The following METTL3 variants were observed in gnomAD, a reference collection of about 807,000 sequenced individuals.
METTL3 encodes methyltransferase 3, N6-adenosine-methyltransferase complex catalytic subunit, also known as N(6)-adenosine-methyltransferase catalytic subunit METTL3.
A neutral mutation model predicts 64.3 loss-of-function variants in METTL3; 42 were observed. That is an observed-to-expected ratio of 0.65 (90% CI 0.51 to 0.84). The LOEUF is 0.84. Among genes scored for constraint, METTL3 ranks in the 40% least tolerant of loss-of-function variants. The probability of loss-of-function intolerance (pLI) is 0.00; values close to 1 mark genes in which losing one functional copy is unlikely to be tolerated. For missense variants in METTL3, 435 were observed against 722.3 expected (o/e 0.60, Z 4.56); for synonymous variants, 256 against 263.6 (o/e 0.97, Z 0.28).
At chr14:21,508,518 G>C (rs1891753156) in intron 1 of METTL3, among the ~76,000 whole-genome samples, 2 of 152,244 alleles carry the variant, frequency 1.3e-5, no homozygotes, top group East Asian at 3.9e-4. Context: ...TAATGTCATA[G>C]AAAAATGAAA....
At chr14:21,502,994 C>T (rs4982451) in intron 3 of METTL3, 179 bp downstream of exon 3, 5 of 671,616 alleles carry the variant, frequency 7.4e-6, no homozygotes, top group Non-Finnish European at 1.2e-5. Flanking sequence ...AGCACTCCCC[C>T]ATGTGTGACA....
chr14:21,500,420 C>G, intron 6 of METTL3, 75 bp downstream of exon 6: 2 of 1,487,016 alleles, frequency 1.3e-6, no homozygotes, highest in Non-Finnish European at 1.9e-6. Context: ...CTAGGAAAAC[C>G]CAGGATTTTA....
intron 4 of METTL3, 184 bp from the exon 5 acceptor site, chr14:21,501,313 G>A (rs1891562951): frequency 3.3e-6 from 2 of 600,490 alleles, no homozygotes; most frequent in Non-Finnish European, 5.8e-6. Context: ...CAGAACAATT[G>A]TAATTCCTCT....
intron 4 of METTL3, 57 bp downstream of exon 4, chr14:21,501,671 T>C: frequency 6.2e-7 from 1 of 1,609,824 alleles, no homozygotes; most frequent in Non-Finnish European, 8.5e-7. Flanking sequence ...AGGAATATGC[T>C]GAAAAGGAAT....
chr14:21,503,366 T>C lies in METTL3; in HGVS notation c.530A>G (p.Lys177Arg). The change falls in exon 3 of 11, where the codon AAG becomes AGG. Residue 177 changes from lysine (K) to arginine (R), a missense_variant. Transcript: ENST00000298717. The stretch of plus-strand genomic sequence containing the variant: ...AGTCGAGTCCTGTTCTGCACGCCGC[T>C]TCTGCCCTGTGACAGTCCCTGCTAC... ...GEVAGTVTGQ[K>R]RRAEQDSTTV... 1.2e-6 allele frequency: 2 copies of C among 1,614,172 alleles called. No homozygotes were observed. The highest frequency in any genetic ancestry group is 8.5e-7 in the Non-Finnish European group (1 of 1,180,024).
chr14:21,498,764 A>C (rs1464562010), intron 10 of METTL3: 4 of 493,222 alleles, frequency 8.1e-6, no homozygotes, highest in Non-Finnish European at 1.4e-5. Context: ...AATACATCAC[A>C]GAATGGCTGA....
intron 4 of METTL3, 125 bp downstream of exon 4, chr14:21,501,603 G>A: frequency 1.7e-6 from 2 of 1,178,742 alleles, no homozygotes; most frequent in Non-Finnish European, 2.4e-6. Flanking sequence ...TCAGGGTCTG[G>A]AGGACTTACA....
rs997148245 is a variant in METTL3, at chr14:21,501,142, A to G, written c.900-13T>C. 6.3e-7 allele frequency: 1 copy of G among 1,597,806 alleles called. No individual in the cohort carries two copies. Among genetic ancestry groups the G allele is most frequent in the Non-Finnish European group, 8.6e-7 (1 of 1,167,112 alleles). On this transcript the variant is annotated splice_polypyrimidine_tract_variant and intron_variant, in intron 4 of 10. Coordinates refer to ENST00000298717, the MANE Select transcript of METTL3 (RefSeq NM_019852.5). ...ATTGATAATTCGTCTGGGAAAATAAAAAGGGAGAATCAAGATGGTGCTCCA... is the reference window on the plus strand; with the variant it reads ...ATTGATAATTCGTCTGGGAAAATAAGAAGGGAGAATCAAGATGGTGCTCCA...
intron 6 of METTL3, 24 bp from the exon 7 acceptor site, chr14:21,499,826 C>A: frequency 1.2e-6 from 2 of 1,609,876 alleles, no homozygotes; most frequent in Non-Finnish European, 1.7e-6. Context: ...AGTTAAACAA[C>A]TATTTGTATG....
Position 21,501,035 on chromosome 14 carries a change from C to A in METTL3, c.994G>T (p.Glu332Ter), listed in dbSNP as rs1208511484. The change falls in exon 5 of 11, where the codon GAA becomes TAA. Residue 332 changes from glutamate (E) to a stop codon, truncating the protein, a stop_gained. Coordinates refer to ENST00000298717, the MANE Select transcript of METTL3 (RefSeq NM_019852.5). LOFTEE classifies it high-confidence loss of function. ...TCAGAATCCATGCAAGCATCAATTT[C>A]ATAGTGAACATACTTGCAGGTATCC... ...HMDTCKYVHY[E>*]IDACMDSEAP... 12 of 1,613,968 alleles carry A rather than the reference C, an allele frequency of 7.4e-6. No individual in the cohort carries two copies. The Admixed American group carries it at 2.0e-4, about 27-fold the overall frequency.
At chr14:21,499,727 A>G (rs758174397) in intron 7 of METTL3, 37 bp downstream of exon 7, 2 of 1,602,278 alleles carry the variant, frequency 1.2e-6, no homozygotes, top group Admixed American at 1.7e-5. Flanking sequence ...CTGTAACAGT[A>G]TTACCCTCAA....
At position 21,504,143 on chromosome 14, in the gene METTL3, CAAAG is replaced by C. The variant is rs746224722; in HGVS notation, c.101-266_101-263del. ...CTAATTCCCTATCCTTGCTGTGATACAAAGAAAGTAAATTAGCATGATAGATTTA... is the reference window on the plus strand; with the variant it reads ...CTAATTCCCTATCCTTGCTGTGATACAAAGTAAATTAGCATGATAGATTTA... On this transcript the variant is annotated intron_variant, in intron 1 of 10. Transcript: ENST00000298717. The C allele has an allele frequency of 1.4e-4, 61 of 437,174 alleles. No individual in the cohort carries two copies. The South Asian group carries it at 1.4e-3, about 10-fold the overall frequency. The allele number at this position is 437,174 out of a possible 1,614,324, so 27.1% of individuals were successfully genotyped here.
In METTL3 at chr14:21,499,430, TAA is replaced by T. The variant is rs985707468; in HGVS notation, c.1452+60_1453-60del. 15 of 1,610,836 alleles carry T rather than the reference TAA, an allele frequency of 9.3e-6. No homozygotes were observed. In the African/African-American group the frequency reaches 1.6e-4, roughly 17 times the overall value. ...ACCACACCTTTGAACTTTTTCTCAG[TAA>T]GAAATCAAATGATTCTTCTTTGTGC... On this transcript the variant is annotated intron_variant, in intron 8 of 10. Coordinates refer to ENST00000298717, the MANE Select transcript of METTL3 (RefSeq NM_019852.5).
At position 21,503,820 on chromosome 14, in the gene METTL3, A is replaced by G. The variant is rs200403556; in HGVS notation, c.162T>C (p.Thr54=). The G allele has an allele frequency of 1.4e-5, 23 of 1,614,266 alleles. No homozygotes were observed. In the Admixed American group the frequency reaches 2.5e-4, roughly 18 times the overall value. ...GCTTAGGGCCACCAGAGGTGGGTGCAGTAGGCACTGGGCTGTCACTACGGA... is the reference window on the plus strand; with the variant it reads ...GCTTAGGGCCACCAGAGGTGGGTGCGGTAGGCACTGGGCTGTCACTACGGA... The part of the protein sequence containing the change: ...PTFRSDSPVP[T]APTSGGPKPS... Residue 54 remains threonine (T), a synonymous_variant, in exon 2 of 11, where the codon ACT becomes ACC. Coordinates refer to ENST00000298717, the MANE Select transcript of METTL3 (RefSeq NM_019852.5).
chr14:21,511,138 T>G lies in METTL3; in HGVS notation c.86A>C (p.Asp29Ala). Residue 29 changes from aspartate (D) to alanine (A), a missense_variant, in exon 1 of 11, where the codon GAC becomes GCC. Coordinates refer to ENST00000298717, the MANE Select transcript of METTL3 (RefSeq NM_019852.5). ...RERLQRRRKQDSGHLDLRNPE... is the reference protein window; with the variant it reads ...RERLQRRRKQASGHLDLRNPE... ...CAGTGCCTCACCCAAGTGCCCCGAG[T>G]CCTGCTTCCGCCTCCGCTGCAGCCT... is the stretch of plus-strand genomic sequence containing the variant. 1 of 1,613,948 alleles carries G rather than the reference T, an allele frequency of 6.2e-7. No individual in the cohort carries two copies. The highest frequency in any genetic ancestry group is 8.5e-7 in the Non-Finnish European group (1 of 1,179,970).
rs1203832481 is a variant in METTL3 at position 21,498,219 on chromosome 14, G to T, written c.*39C>A. The T allele has an allele frequency of 1.7e-6, 2 of 1,173,126 alleles. No homozygotes were observed. Among genetic ancestry groups the T allele is most frequent in the South Asian group, 1.2e-5 (1 of 81,788 alleles). The allele number at this position is 1,173,126 out of a possible 1,614,324, so 72.7% of individuals were successfully genotyped here. On this transcript the variant is annotated 3_prime_UTR_variant, in exon 11 of 11. Transcript: ENST00000298717. ...TCACTCTTCAGGTTTAGCTTACAGA[G>T]CCATGGCTATGGATTCTTAGCTCTG...
intron 3 of METTL3, 73 bp from the exon 4 acceptor site, chr14:21,501,976 C>A: frequency 4.3e-5 from 52 of 1,211,410 alleles, no homozygotes; most frequent in Non-Finnish European, 5.7e-5. Context: ...TCCGCAAATT[C>A]TTTTTGACAT....
At chr14:21,502,189 T>C (rs1249686556) in intron 3 of METTL3, among the ~76,000 whole-genome samples, 1 of 152,004 alleles carries the variant, frequency 6.6e-6, no homozygotes, top group Non-Finnish European at 1.5e-5. Context: ...CCAGCTAATG[T>C]TTTAATTACT....
At chr14:21,507,949 C>T (rs1891737991) in intron 1 of METTL3, 1 of 152,066 alleles carries the variant, frequency 6.6e-6, no homozygotes, top group African/African-American at 2.4e-5. Context: ...TTAATTACAA[C>T]CCCAAAAATA....
Sources: allele counts gnomAD v4.1 joint callset (sites outside exome capture counted in the v4.1 genomes callset), GRCh38; gene constraint gnomAD v4.1.1; transcripts MANE v1.5; gene names NCBI Gene and HGNC (gene_info 2026-07-23, HGNC 2026-07-21).